NRXN1: variants seen among roughly 807,000 people sequenced by gnomAD.
The protein encoded by NRXN1 is neurexin 1.
NRXN1 carries 39 observed loss-of-function variants against 150.9 expected under a neutral mutation model. The observed-to-expected ratio is 0.26, with a 90% confidence interval of 0.20 to 0.34. NRXN1 has a LOEUF of 0.34. Ranked by LOEUF, NRXN1 falls within the 10% of genes least tolerant of loss-of-function variation. The probability of loss-of-function intolerance (pLI) is 1.00; values close to 1 mark genes in which losing one functional copy is unlikely to be tolerated. For synonymous variants in NRXN1, 924 were observed against 757.0 expected, an observed-to-expected ratio of 1.22 and a Z score of -3.62; for missense variants, 1,815 against 1,949.9, an observed-to-expected ratio of 0.93 and a Z score of 1.30.
At chr2:50,213,131 C>G (rs2063150540) in intron 18 of NRXN1, among the ~76,000 whole-genome samples, 1 of 151,760 alleles carries the variant, frequency 6.6e-6, no homozygotes, top group Admixed American at 6.6e-5. Flanking sequence ...TTCTGGAGAT[C>G]CCAAGAGCTT....
intron 17 of NRXN1, among the ~76,000 whole-genome samples, chr2:50,253,866 A>C (rs1306510127): frequency 9.3e-6 from 1 of 107,134 alleles, no homozygotes; most frequent in Non-Finnish European, 2.0e-5. Context: ...TATTGACCTG[A>C]AGTTTTCTTT....
chr2:50,051,941 G>T (rs1360570644), intron 21 of NRXN1, among the ~76,000 whole-genome samples: 1 of 151,982 alleles, frequency 6.6e-6, no homozygotes, highest in African/African-American at 2.4e-5. Context: ...GAAAATAAGT[G>T]CACATGTAGG....
At chr2:50,373,913 A>G (rs2080292253) in intron 17 of NRXN1, among the ~76,000 whole-genome samples, 1 of 152,054 alleles carries the variant, frequency 6.6e-6, no homozygotes, top group African/African-American at 2.4e-5. Flanking sequence ...ATTTGCAGGT[A>G]GATAAGGAAA....
At chr2:50,851,613 AT>A (rs200065722) in intron 5 of NRXN1, among the ~76,000 whole-genome samples, 3,038 of 152,170 alleles carry the variant, frequency 0.02, 48 homozygotes, top group Middle Eastern at 0.062. Context: ...GACCAATACC[AT>A]TTTCAGAAAA....
At chr2:50,305,722 A>G (rs1186249116) in intron 17 of NRXN1, among the ~76,000 whole-genome samples, 2 of 152,206 alleles carry the variant, frequency 1.3e-5, no homozygotes, top group African/African-American at 2.4e-5. Context: ...CATTAATATT[A>G]TCAAAGTCCA....
chr2:50,424,342 G>A (rs146140628), intron 17 of NRXN1, among the ~76,000 whole-genome samples: 1,804 of 148,892 alleles, frequency 0.012, 45 homozygotes, highest in African/African-American at 0.042. Context: ...GGGAGGAGGA[G>A]GAGGAAATAA....
chr2:49,987,046 A>C (rs1681039402), intron 21 of NRXN1, among the ~76,000 whole-genome samples: 1 of 152,086 alleles, frequency 6.6e-6, no homozygotes, highest in African/African-American at 2.4e-5. Context: ...AGAGTGAGAA[A>C]AAAAAAAGAA....
chr2:50,530,332 T>A (rs567850268), intron 11 of NRXN1, among the ~76,000 whole-genome samples: 2 of 152,310 alleles, frequency 1.3e-5, no homozygotes, highest in South Asian at 2.1e-4. Context: ...ATGGCATAGT[T>A]TGCATGAAAC....
At chr2:50,632,554 G>A (rs1041105910) in intron 5 of NRXN1, 6 of 151,966 alleles carry the variant, frequency 3.9e-5, no homozygotes, top group African/African-American at 1.4e-4. Flanking sequence ...CAACTTACTG[G>A]TGCAAACTCT....
intron 5 of NRXN1, among the ~76,000 whole-genome samples, chr2:50,809,932 T>C (rs1057500220): frequency 1.3e-5 from 2 of 152,160 alleles, no homozygotes; most frequent in Admixed American, 1.3e-4. Flanking sequence ...AAAAATACCA[T>C]TGTGTTTATT....
At chr2:50,338,416 G>C (rs985902115) in intron 17 of NRXN1, among the ~76,000 whole-genome samples, 2 of 152,014 alleles carry the variant, frequency 1.3e-5, no homozygotes, top group Admixed American at 1.3e-4. Flanking sequence ...GCTATCAAAT[G>C]GTGCCCTGAA....
intron 2 of NRXN1, among the ~76,000 whole-genome samples, chr2:50,927,747 G>C (rs1687121780): frequency 6.6e-6 from 1 of 151,896 alleles, no homozygotes; most frequent in Admixed American, 6.6e-5. Context: ...GGAATTTAGA[G>C]GAGAGTCATG....
chr2:50,651,507 G>GACATGACATA (rs1685622700), intron 5 of NRXN1, among the ~76,000 whole-genome samples: 1 of 145,662 alleles, frequency 6.9e-6, no homozygotes, highest in Admixed American at 6.8e-5. Flanking sequence ...GACATGACAT[G>GACATGACATA]ACATAACATG....
intron 2 of NRXN1, among the ~76,000 whole-genome samples, chr2:50,936,866 T>C (rs1391111564): frequency 2.6e-5 from 4 of 152,116 alleles, no homozygotes; most frequent in East Asian, 1.9e-4. Flanking sequence ...GGTAGTGTGA[T>C]AATTTTTAAA....
intron 5 of NRXN1, among the ~76,000 whole-genome samples, chr2:50,888,451 G>C (rs1050507967): frequency 5.3e-5 from 8 of 151,518 alleles, no homozygotes; most frequent in African/African-American, 1.9e-4. Flanking sequence ...AGTGAAAGTA[G>C]GAGGGAGGAC....
In NRXN1 at chr2:50,807,857, T is replaced by C. The variant is rs538631782; in HGVS notation, c.832+114012A>G. On this transcript the variant is annotated intron_variant, in intron 5 of 22. Transcript: ENST00000401669. ...TCTGTATAAAAATTTTTATCGTAGA[T>C]ACAATTGTCACCTGTTTTCTAGAAA... is the stretch of plus-strand genomic sequence containing the variant. 5.3e-5 allele frequency among the ~76,000 whole-genome samples: 8 copies of C among 152,306 alleles called. No homozygotes were observed. The East Asian group carries it at 1.5e-3, about 29-fold the overall frequency.
At chr2:50,665,953 G>C in intron 5 of NRXN1, among the ~76,000 whole-genome samples, 1 of 151,896 alleles carries the variant, frequency 6.6e-6, no homozygotes, top group East Asian at 2.0e-4. Flanking sequence ...AAATATCATA[G>C]ATGATATTTT....
chr2:50,670,197 G>A (rs1159815121), intron 5 of NRXN1, among the ~76,000 whole-genome samples: 1 of 151,452 alleles, frequency 6.6e-6, no homozygotes. Flanking sequence ...CTAAAGATTA[G>A]TTCAAGGTGA....
chr2:50,212,022 A>G (rs1355914569), intron 18 of NRXN1, among the ~76,000 whole-genome samples: 2 of 151,102 alleles, frequency 1.3e-5, no homozygotes, highest in African/African-American at 4.8e-5. Flanking sequence ...TAGACAGAAA[A>G]TTTTTGCTTA....
Sources: allele counts gnomAD v4.1 joint callset (sites outside exome capture counted in the v4.1 genomes callset), GRCh38; gene constraint gnomAD v4.1.1; transcripts MANE v1.5; gene names NCBI Gene and HGNC (gene_info 2026-07-23, HGNC 2026-07-21).